Variants in HMBOX1 observed in about 807,000 individuals in gnomAD.
HMBOX1 encodes homeobox containing 1, also known as homeobox-containing protein 1.
In HMBOX1, 14 loss-of-function variants were observed where a neutral mutation model predicts 54.5. The observed-to-expected ratio is 0.26, with a 90% CI of 0.17 to 0.40. The LOEUF (loss-of-function observed/expected upper bound fraction) is 0.40, where lower values mean the gene tolerates loss of function less well. Ranked by LOEUF, HMBOX1 falls within the 10% of genes least tolerant of loss-of-function variation. The probability of loss-of-function intolerance (pLI) is 1.00; values close to 1 mark genes in which losing one functional copy is unlikely to be tolerated. For synonymous variants in HMBOX1, 160 were observed against 181.0 expected (o/e 0.88, Z 0.93); for missense variants, 332 against 514.4 (o/e 0.65, Z 3.43).
chr8:29,045,091 T>C (rs1207978583), intron 6 of HMBOX1, among the ~76,000 whole-genome samples: 1 of 152,234 alleles, frequency 6.6e-6, no homozygotes, highest in African/African-American at 2.4e-5. Context: ...CATGGAGGTA[T>C]TCAAATTTAA....
At chr8:29,038,505 G>A (rs1032200769) in intron 6 of HMBOX1, among the ~76,000 whole-genome samples, 3 of 152,130 alleles carry the variant, frequency 2.0e-5, no homozygotes, top group African/African-American at 7.2e-5. Context: ...TCAGAAACAG[G>A]TCCCCTTTAG....
At chr8:28,997,093 G>T (rs887578307) in intron 4 of HMBOX1, among the ~76,000 whole-genome samples, 1 of 152,004 alleles carries the variant, frequency 6.6e-6, no homozygotes, top group African/African-American at 2.4e-5. Flanking sequence ...CAATCTGGAT[G>T]CCTTTTCTTT....
Position 29,051,720 on chromosome 8 carries a change from T to TTC in HMBOX1, c.*567_*568dup. 4 of 669,620 alleles carry TTC rather than the reference T, an allele frequency of 6.0e-6. No individual in the cohort carries two copies. The highest frequency in any genetic ancestry group is 1.1e-5 in the Non-Finnish European group (4 of 361,970). 41.5% of individuals were successfully genotyped at this position (669,620 alleles called of 1,614,324 possible). A position where few individuals can be genotyped will look rare whatever the true frequency, so the allele number is the denominator to read the frequency against. The stretch of plus-strand genomic sequence containing the variant: ...TAGCCACACTGTGGCTAGATTATAC[T>TTC]TCTTTGGGTGCTGTGCTAAGAATGT... On this transcript the variant is annotated 3_prime_UTR_variant, in exon 10 of 10. Coordinates refer to ENST00000287701, the MANE Select transcript of HMBOX1 (RefSeq NM_001135726.3).
rs571826289 is a variant in HMBOX1, at chr8:28,903,447, G to A, written c.-58+12769G>A. Among the ~76,000 whole-genome samples, 32 of 152,278 alleles carry A rather than the reference G, an allele frequency of 2.1e-4. No homozygotes were observed. In the East Asian group the frequency reaches 2.3e-3, roughly 11 times the overall value. ...GCAAGAGGTAATAAGCTTTCTCCTCGTGCCACTATTCCAACCATCTGAGAA... is the reference window on the plus strand; with the variant it reads ...GCAAGAGGTAATAAGCTTTCTCCTCATGCCACTATTCCAACCATCTGAGAA... On this transcript the variant is annotated intron_variant, in intron 1 of 9. Transcript: ENST00000287701.
At chr8:29,038,748 CT>C (rs1319771295) in intron 6 of HMBOX1, among the ~76,000 whole-genome samples, 1 of 152,250 alleles carries the variant, frequency 6.6e-6, no homozygotes, top group Non-Finnish European at 1.5e-5. Context: ...AGCTGCCTAA[CT>C]GGCTTCTGCC....
chr8:28,969,671 C>T (rs1827058616), intron 2 of HMBOX1, among the ~76,000 whole-genome samples: 1 of 152,038 alleles, frequency 6.6e-6, no homozygotes, highest in Admixed American at 6.5e-5. Context: ...TAGAGTAATA[C>T]ACTTGAGATG....
At position 29,030,169 on chromosome 8, in the gene HMBOX1, T is replaced by A. The variant is rs117349812; in HGVS notation, c.851+11256T>A. 2.6e-3 allele frequency among the ~76,000 whole-genome samples: 387 copies of A among 147,244 alleles called. 9 individuals are homozygous for A. In the East Asian group the frequency reaches 0.055, roughly 21 times the overall value. ...TATCTTATATTTTCTGAATAAAGTA[T>A]TAGGTTCCAGTTTTTTTTTTTTTTT... is the stretch of plus-strand genomic sequence containing the variant. On this transcript the variant is annotated intron_variant, in intron 6 of 9. Coordinates refer to ENST00000287701, the MANE Select transcript of HMBOX1 (RefSeq NM_001135726.3).
intron 4 of HMBOX1, among the ~76,000 whole-genome samples, chr8:28,993,610 T>G (rs1260500668): frequency 6.6e-6 from 1 of 152,182 alleles, no homozygotes; most frequent in East Asian, 1.9e-4. Context: ...AGATGACTTA[T>G]TTTTGTTCCT....
intron 4 of HMBOX1, among the ~76,000 whole-genome samples, chr8:28,983,275 G>C (rs1256981243): frequency 6.6e-6 from 1 of 152,012 alleles, no homozygotes; most frequent in Non-Finnish European, 1.5e-5. Flanking sequence ...CTTTTAATCT[G>C]ACTCCAGCCT....
intron 4 of HMBOX1, among the ~76,000 whole-genome samples, chr8:29,008,177 A>T (rs889392566): frequency 6.6e-6 from 1 of 152,196 alleles, no homozygotes; most frequent in African/African-American, 2.4e-5. Context: ...TTGTGGACTT[A>T]CAAGACAGTT....
intron 1 of HMBOX1, among the ~76,000 whole-genome samples, chr8:28,953,540 T>A (rs1345680756): frequency 6.6e-6 from 1 of 152,236 alleles, no homozygotes; most frequent in Non-Finnish European, 1.5e-5. Flanking sequence ...TCATTTACTT[T>A]ATTTTCTTCT....
At chr8:28,942,428 A>G (rs1821604864) in intron 1 of HMBOX1, among the ~76,000 whole-genome samples, 1 of 152,234 alleles carries the variant, frequency 6.6e-6, no homozygotes, top group African/African-American at 2.4e-5. Context: ...TACAGAATTC[A>G]AAAAGTACAA....
chr8:29,032,125 A>G, intron 6 of HMBOX1, among the ~76,000 whole-genome samples: 1 of 152,216 alleles, frequency 6.6e-6, no homozygotes, highest in South Asian at 2.1e-4. Flanking sequence ...TTCGCAAAGC[A>G]TCCTATTTGT....
chr8:28,990,655 G>T (rs1185157647), intron 4 of HMBOX1, among the ~76,000 whole-genome samples: 2 of 151,694 alleles, frequency 1.3e-5, no homozygotes, highest in Admixed American at 6.6e-5. Flanking sequence ...TTGTTTGTTT[G>T]TTTTTTTGTT....
chr8:28,937,976 CTT>C (rs1172357421), intron 1 of HMBOX1, among the ~76,000 whole-genome samples: 1 of 152,046 alleles, frequency 6.6e-6, no homozygotes, highest in Admixed American at 6.6e-5. Flanking sequence ...GTCATTTTCT[CTT>C]TTTGATTGCC....
At chr8:29,014,299 A>G (rs990554509) in intron 5 of HMBOX1, among the ~76,000 whole-genome samples, 1 of 152,182 alleles carries the variant, frequency 6.6e-6, no homozygotes, top group Admixed American at 6.5e-5. Flanking sequence ...GAAATAGACA[A>G]CACACTTTTC....
chr8:29,050,567 C>T (rs1052442118), intron 9 of HMBOX1: 1 of 153,864 alleles, frequency 6.5e-6, no homozygotes, highest in Non-Finnish European at 1.4e-5. Context: ...TAAGTTCTGT[C>T]TAGTTTTCTC....
chr8:28,962,821 A>C (rs972400584), intron 1 of HMBOX1, among the ~76,000 whole-genome samples: 2 of 151,494 alleles, frequency 1.3e-5, no homozygotes, highest in African/African-American at 4.9e-5. Flanking sequence ...TTTGTATTAT[A>C]TTTTTTATTT....
At position 28,963,883 on chromosome 8, in the gene HMBOX1, C is replaced by A; in HGVS notation, c.16C>A (p.Pro6Thr). 6.2e-7 allele frequency: 1 copy of A among 1,602,294 alleles called. No homozygotes were observed. Among genetic ancestry groups the A allele is most frequent in the Non-Finnish European group, 8.5e-7 (1 of 1,173,040 alleles). Residue 6 changes from proline (P) to threonine (T), a missense_variant, in exon 2 of 10, where the codon CCA (proline) becomes ACA (threonine). This residue lies in a region of HMBOX1 where 146 missense variants were observed against 173.3 expected (regional missense o/e 0.84). Transcript: ENST00000287701. MLSSF[P>T]VVLLETMSHY... ...CATGTAAAGTATGCTTAGTTCCTTT[C>A]CAGTGGTGTAAGTATCAAGTCCTTT...
Sources: gnomAD v4.1 joint callset for allele counts (sites outside exome capture counted in the v4.1 genomes callset) on GRCh38, gnomAD v4.1.1 for gene constraint, gnomAD v4.1.1 regional missense constraint, MANE v1.5 for transcripts, NCBI Gene and HGNC (gene_info 2026-07-23, HGNC 2026-07-21) for gene names.